ACVR1: variants seen among roughly 807,000 people sequenced by gnomAD.
The protein encoded by ACVR1 is activin receptor type-1.
Under a neutral mutation model 57.1 loss-of-function variants are expected in ACVR1, and 38 were observed. The ratio of observed to expected loss-of-function variants is 0.67; its 90% CI spans 0.51 to 0.87. The LOEUF is 0.87. Among genes scored for constraint, ACVR1 ranks in the 40% least tolerant of loss-of-function variants. The pLI, the probability that ACVR1 is intolerant of heterozygous loss-of-function variation, is 0.00. For synonymous variants in ACVR1, 212 were observed against 228.1 expected, an observed-to-expected ratio of 0.93 and a Z score of 0.63; for missense variants, 463 against 638.2, an observed-to-expected ratio of 0.73 and a Z score of 2.96.
chr2:157,843,419 C>T (rs1689035518), intron 1 of ACVR1, among the ~76,000 whole-genome samples: 1 of 152,200 alleles, frequency 6.6e-6, no homozygotes, highest in Non-Finnish European at 1.5e-5. Flanking sequence ...CCAGACACCA[C>T]TGTGACGGAG....
chr2:157,776,113 T>A (rs1366196671), intron 5 of ACVR1, among the ~76,000 whole-genome samples: 1 of 152,246 alleles, frequency 6.6e-6, no homozygotes, highest in East Asian at 1.9e-4. Flanking sequence ...TAAGCAAGTA[T>A]GTAGACCAAT....
intron 9 of ACVR1, among the ~76,000 whole-genome samples, chr2:157,749,853 C>T (rs890897440): frequency 1.3e-5 from 2 of 152,192 alleles, no homozygotes; most frequent in Non-Finnish European, 2.9e-5. Context: ...ACTTGCTCCA[C>T]CCACCACAGC....
At chr2:157,835,820 T>C (rs140724135) in intron 1 of ACVR1, among the ~76,000 whole-genome samples, 1 of 152,242 alleles carries the variant, frequency 6.6e-6, no homozygotes, top group South Asian at 2.1e-4. Context: ...ATAACCAGTA[T>C]GCAGATTACA....
intron 9 of ACVR1, among the ~76,000 whole-genome samples, chr2:157,759,542 G>T (rs180705269): frequency 4.3e-4 from 65 of 151,952 alleles, no homozygotes; most frequent in Admixed American, 1.3e-3. Context: ...ACTTCTTCTT[G>T]AACTATTCCA....
chr2:157,767,771 T>A (rs887528643), intron 7 of ACVR1, among the ~76,000 whole-genome samples: 7 of 152,210 alleles, frequency 4.6e-5, no homozygotes, highest in African/African-American at 1.7e-4. Flanking sequence ...ATCACACAGC[T>A]ATTTAAGTTG....
intron 9 of ACVR1, among the ~76,000 whole-genome samples, chr2:157,748,312 T>C (rs926265742): frequency 6.6e-6 from 1 of 152,220 alleles, no homozygotes; most frequent in Admixed American, 6.5e-5. Context: ...TGTCTAGCTA[T>C]GGAATGCCAA....
chr2:157,786,101 G>C (rs1686702219), intron 3 of ACVR1, among the ~76,000 whole-genome samples: 1 of 152,104 alleles, frequency 6.6e-6, no homozygotes, highest in South Asian at 2.1e-4. Flanking sequence ...TCTCCACCTA[G>C]TCAGTGCCTT....
intron 1 of ACVR1, among the ~76,000 whole-genome samples, chr2:157,864,946 ATT>A (rs78643315): frequency 2.7e-5 from 4 of 146,070 alleles, no homozygotes; most frequent in Non-Finnish European, 4.5e-5. Context: ...CACTCACCAT[ATT>A]TTTTTTTTTT....
At chr2:157,839,789 A>C (rs1340403475) in intron 1 of ACVR1, among the ~76,000 whole-genome samples, 1 of 152,170 alleles carries the variant, frequency 6.6e-6, no homozygotes, top group East Asian at 1.9e-4. Flanking sequence ...ACTTTTTGAG[A>C]ACCAAGCAAC....
intron 3 of ACVR1, among the ~76,000 whole-genome samples, chr2:157,785,584 A>G (rs10933442): frequency 0.81 from 123,010 of 152,146 alleles, 49,907 homozygotes; most frequent in East Asian, 0.93. Flanking sequence ...CAGGCTATAC[A>G]TTCAGGGATA....
Position 157,737,345 on chromosome 2 carries a change from G to A in ACVR1, c.*186C>T, listed in dbSNP as rs963864762. 14 of 702,814 alleles carry A rather than the reference G, an allele frequency of 2.0e-5. No individual in the cohort carries two copies. The highest frequency in any genetic ancestry group is 6.6e-5 in the South Asian group (4 of 60,306). 43.5% of individuals were successfully genotyped at this position (702,814 alleles called of 1,614,324 possible). On this transcript the variant is annotated 3_prime_UTR_variant, in exon 11 of 11. Transcript: ENST00000434821. The stretch of plus-strand genomic sequence containing the variant: ...GTGAAATGCCCAGTTCACAGTCATC[G>A]AGCGAGGTTAGGGTGGTTTTGATGT...
At chr2:157,803,909 ATTT>A (rs138771390) in intron 2 of ACVR1, among the ~76,000 whole-genome samples, 16 of 149,646 alleles carry the variant, frequency 1.1e-4, no homozygotes, top group African/African-American at 2.9e-4. Flanking sequence ...ATACTACCTT[ATTT>A]TTTTTTTATT....
Position 157,808,514 on chromosome 2 carries a change from G to A in ACVR1, c.-7-9014C>T, listed in dbSNP as rs1687638832. ...CAGTTTTCAAGGGTGTCATCCAAGA[G>A]AGGCAGCCAAACAAAAAGACGGCTG... On this transcript the variant is annotated intron_variant, in intron 2 of 10. Transcript: ENST00000434821. Among the ~76,000 whole-genome samples, 4 of 152,304 alleles carry A rather than the reference G, an allele frequency of 2.6e-5. No homozygotes were observed. The South Asian group carries it at 8.3e-4, about 32-fold the overall frequency.
intron 9 of ACVR1, among the ~76,000 whole-genome samples, chr2:157,741,345 G>A (rs553592334): frequency 6.6e-6 from 1 of 152,018 alleles, no homozygotes; most frequent in Non-Finnish European, 1.5e-5. Flanking sequence ...AGGGATAAAA[G>A]ATGAAAAAAC....
intron 1 of ACVR1, among the ~76,000 whole-genome samples, chr2:157,830,443 C>T (rs953293414): frequency 2.6e-5 from 4 of 152,094 alleles, no homozygotes; most frequent in Non-Finnish European, 5.9e-5. Context: ...CAAACTTCCC[C>T]AAACCCTAAG....
intron 1 of ACVR1, among the ~76,000 whole-genome samples, chr2:157,834,315 T>A (rs1688699875): frequency 6.6e-6 from 1 of 151,944 alleles, no homozygotes; most frequent in Non-Finnish European, 1.5e-5. Context: ...ATGGTCTCGA[T>A]CTCCTGACCT....
In ACVR1 at chr2:157,797,594, A is replaced by C. The variant is rs1344410850; in HGVS notation, c.67+1833T>G. Among the ~76,000 whole-genome samples the C allele has an allele frequency of 2.0e-5, 3 of 152,328 alleles. 1 individual carries two copies. Among genetic ancestry groups the C allele is most frequent in the South Asian group, 2.1e-4 (1 of 4,826 alleles). Reference sequence around the variant, plus strand: ...TTACATGTAAGTGAAGGGAATGATGAGTAACTTTTACTATCTTTCTCTCTT... The same window carrying C: ...TTACATGTAAGTGAAGGGAATGATGCGTAACTTTTACTATCTTTCTCTCTT... On this transcript the variant is annotated intron_variant, in intron 3 of 10. Coordinates refer to ENST00000434821, the MANE Select transcript of ACVR1 (RefSeq NM_001111067.4).
intron 1 of ACVR1, among the ~76,000 whole-genome samples, chr2:157,841,084 A>G (rs534083840): frequency 2.0e-5 from 3 of 152,368 alleles, no homozygotes; most frequent in East Asian, 1.9e-4. Context: ...AAAAATTATG[A>G]AATGTACATA....
chr2:157,855,780 G>A, intron 1 of ACVR1, among the ~76,000 whole-genome samples: 1 of 152,092 alleles, frequency 6.6e-6, no homozygotes. Flanking sequence ...AGGGTCAATG[G>A]TCCTTCAGCA....
Sources: gnomAD v4.1 joint callset for allele counts (sites outside exome capture counted in the v4.1 genomes callset) on GRCh38, gnomAD v4.1.1 for gene constraint, MANE v1.5 for transcripts, NCBI Gene and HGNC (gene_info 2026-07-23, HGNC 2026-07-21) for gene names.